Variants in LPP observed in about 807,000 individuals in gnomAD.
LPP encodes lipoma-preferred partner.
LPP carries 38 observed loss-of-function variants against 60.4 expected under a neutral mutation model. The ratio of observed to expected loss-of-function variants is 0.63; its 90% CI spans 0.49 to 0.83. The LOEUF (loss-of-function observed/expected upper bound fraction) is 0.83, where lower values mean the gene tolerates loss of function less well. LPP is among the 40% of genes least tolerant of loss of function. LPP has a pLI of 0.00. For synonymous variants in LPP, 328 were observed against 290.8 expected (o/e 1.13, Z -1.30); for missense variants, 902 against 783.6 (o/e 1.15, Z -1.80).
intron 7 of LPP, among the ~76,000 whole-genome samples, chr3:188,683,255 A>G (rs1017262873): frequency 2.6e-5 from 4 of 151,852 alleles, no homozygotes; most frequent in Non-Finnish European, 2.9e-5. Flanking sequence ...TAGTTCTCTG[A>G]CCGTGAGTCA....
intron 7 of LPP, among the ~76,000 whole-genome samples, chr3:188,661,734 T>C (rs948526929): frequency 5.3e-5 from 8 of 152,240 alleles, no homozygotes; most frequent in African/African-American, 1.9e-4. Flanking sequence ...CTGTGGCTTG[T>C]CTTCTCATAA....
chr3:188,729,860 T>C (rs1454501305), intron 8 of LPP, among the ~76,000 whole-genome samples: 1 of 150,134 alleles, frequency 6.7e-6, no homozygotes, highest in Admixed American at 6.6e-5. Context: ...TGGCATATGC[T>C]GTGGTTCCAG....
intron 4 of LPP, among the ~76,000 whole-genome samples, chr3:188,416,894 T>A (rs1254027675): frequency 1.3e-5 from 2 of 152,122 alleles, no homozygotes; most frequent in Non-Finnish European, 2.9e-5. Context: ...ATGTAAATTA[T>A]CTAAAAATGG....
intron 2 of LPP, among the ~76,000 whole-genome samples, chr3:188,335,452 T>G (rs1411533408): frequency 6.6e-6 from 1 of 152,214 alleles, no homozygotes; most frequent in Non-Finnish European, 1.5e-5. Flanking sequence ...TTGTTGAGGA[T>G]TTTTGCATCT....
intron 4 of LPP, among the ~76,000 whole-genome samples, chr3:188,467,966 A>T (rs1196967667): frequency 6.6e-6 from 1 of 152,172 alleles, no homozygotes; most frequent in Non-Finnish European, 1.5e-5. Context: ...TGTAGTAACA[A>T]CAGAAAACGA....
At chr3:188,371,359 A>T (rs1281457828) in intron 3 of LPP, among the ~76,000 whole-genome samples, 1 of 151,604 alleles carries the variant, frequency 6.6e-6, no homozygotes, top group Non-Finnish European at 1.5e-5. Flanking sequence ...ACCAAAATGA[A>T]TTAGACACAG....
At chr3:188,739,049 T>C (rs2150145170) in intron 8 of LPP, among the ~76,000 whole-genome samples, 1 of 152,236 alleles carries the variant, frequency 6.6e-6, no homozygotes, top group South Asian at 2.1e-4. Context: ...CAAGATCTTG[T>C]AGGTGAGATT....
At chr3:188,401,943 AT>A (rs1283129717) in intron 3 of LPP, among the ~76,000 whole-genome samples, 1 of 152,184 alleles carries the variant, frequency 6.6e-6, no homozygotes, top group African/African-American at 2.4e-5. Flanking sequence ...GTTGGAAGTC[AT>A]TTTTAGACAA....
At chr3:188,794,855 A>C (rs1164794968) in intron 9 of LPP, among the ~76,000 whole-genome samples, 1 of 151,966 alleles carries the variant, frequency 6.6e-6, no homozygotes, top group Non-Finnish European at 1.5e-5. Flanking sequence ...AGTAAATTTG[A>C]GGCCGGGTGC....
At chr3:188,327,645 C>T (rs954684398) in intron 2 of LPP, among the ~76,000 whole-genome samples, 1 of 152,124 alleles carries the variant, frequency 6.6e-6, no homozygotes, top group African/African-American at 2.4e-5. Flanking sequence ...TGTATGGTGA[C>T]ATCATACAGA....
At chr3:188,474,232 T>TAAAA (rs532385225) in intron 4 of LPP, among the ~76,000 whole-genome samples, 462 of 152,362 alleles carry the variant, frequency 3.0e-3, no homozygotes, top group Non-Finnish European at 5.4e-3. Context: ...ATATGCTTTA[T>TAAAA]GTAGAGATTA....
intron 6 of LPP, among the ~76,000 whole-genome samples, chr3:188,576,274 G>C (rs1464762994): frequency 1.3e-5 from 2 of 152,052 alleles, no homozygotes; most frequent in East Asian, 3.9e-4. Context: ...AATTGATATG[G>C]CCACTGTTGA....
chr3:188,499,343 G>A (rs1811160622), intron 5 of LPP, among the ~76,000 whole-genome samples: 1 of 152,116 alleles, frequency 6.6e-6, no homozygotes, highest in African/African-American at 2.4e-5. Context: ...TCTTTTGTGT[G>A]TGGATATTAA....
At chr3:188,737,894 T>G (rs960686343) in intron 8 of LPP, among the ~76,000 whole-genome samples, 1 of 152,174 alleles carries the variant, frequency 6.6e-6, no homozygotes, top group Non-Finnish European at 1.5e-5. Context: ...CAGCCTTTCC[T>G]TTCTCCTCTT....
intron 2 of LPP, among the ~76,000 whole-genome samples, chr3:188,290,797 A>T (rs1234514412): frequency 1.3e-5 from 2 of 152,198 alleles, no homozygotes; most frequent in Admixed American, 1.3e-4. Flanking sequence ...GAATGTTGCC[A>T]TGTGGCTACT....
intron 3 of LPP, among the ~76,000 whole-genome samples, chr3:188,387,419 A>G (rs1439002468): frequency 6.6e-6 from 1 of 152,162 alleles, no homozygotes; most frequent in Non-Finnish European, 1.5e-5. Flanking sequence ...AATAACTTTA[A>G]TATTTCATTG....
Position 188,609,239 on chromosome 3 carries a change from C to G in LPP, c.508C>G (p.Pro170Ala). The G allele has an allele frequency of 6.2e-7, 1 of 1,614,012 alleles. No homozygotes were observed. Among genetic ancestry groups the G allele is most frequent in the Non-Finnish European group, 8.5e-7 (1 of 1,180,004 alleles). Reference protein sequence around the residue: ...GHKRMVIPNQPPLTATKKSTL... With the variant: ...GHKRMVIPNQAPLTATKKSTL... ...CAAGAGAATGGTCATCCCGAACCAA[C>G]CCCCTCTAACAGCAACCAAGAAGTC... Residue 170 changes from proline to alanine, a missense_variant, in exon 7 of 12, where the codon CCC becomes GCC. Pro to Ala is a conservative substitution (Grantham distance 27). Coordinates refer to ENST00000617246, the MANE Select transcript of LPP (RefSeq NM_001375462.1). The surrounding 1 kb of genome is among the most constrained non-coding windows in gnomAD (Gnocchi z 6.9).
chr3:188,787,247 G>T (rs542575701), intron 9 of LPP, among the ~76,000 whole-genome samples: 1 of 151,988 alleles, frequency 6.6e-6, no homozygotes, highest in African/African-American at 2.4e-5. Context: ...AGATCTCTAC[G>T]TTATTTCTTT....
intron 1 of LPP, among the ~76,000 whole-genome samples, chr3:188,209,416 T>G (rs186707069): frequency 6.6e-6 from 1 of 152,174 alleles, no homozygotes; most frequent in African/African-American, 2.4e-5. Context: ...GAAAATAACA[T>G]TTTTTCTCTC....
Sources: gnomAD v4.1 joint callset for allele counts (sites outside exome capture counted in the v4.1 genomes callset) on GRCh38, gnomAD v4.1.1 for gene constraint, Gnocchi (gnomAD v3.1) non-coding constraint, MANE v1.5 for transcripts, NCBI Gene and HGNC (gene_info 2026-07-23, HGNC 2026-07-21) for gene names.